LNP1: variants seen among roughly 807,000 people sequenced by gnomAD.
The protein encoded by LNP1 is leukemia NUP98 fusion partner 1.
LNP1 carries 12 observed loss-of-function variants against 14.5 expected under a neutral mutation model. The ratio of observed to expected loss-of-function variants is 0.83; its 90% CI spans 0.53 to 1.34. The LOEUF (loss-of-function observed/expected upper bound fraction) is 1.34, where lower values mean the gene tolerates loss of function less well. LNP1 is among the 40% of genes most tolerant of loss of function. LNP1 has a pLI of 0.00. For missense variants in LNP1, 198 were observed against 210.9 expected (o/e 0.94, Z 0.38); for synonymous variants, 75 against 71.4 (o/e 1.05, Z -0.26).
At chr3:100,433,850 C>G (rs945299846) in intron 2 of LNP1, among the ~76,000 whole-genome samples, 21 of 152,054 alleles carry the variant, frequency 1.4e-4, no homozygotes, top group African/African-American at 4.6e-4. Flanking sequence ...TTTTTTTGGC[C>G]GCATAAATGT....
chr3:100,451,088 C>T (rs1707434006), intron 2 of LNP1, among the ~76,000 whole-genome samples: 1 of 152,152 alleles, frequency 6.6e-6, no homozygotes, highest in East Asian at 1.9e-4. Context: ...GGGGCATCTC[C>T]ATTCAGAATC....
At position 100,451,782 on chromosome 3, in the gene LNP1, C is replaced by G. The variant is rs1156601000; in HGVS notation, c.220C>G (p.Gln74Glu). 2 of 1,613,908 alleles carry G rather than the reference C, an allele frequency of 1.2e-6. No individual in the cohort carries two copies. The highest frequency in any genetic ancestry group is 2.7e-5 in the African/African-American group (2 of 74,916). The change falls in exon 3 of 4, where the codon CAA (glutamine) becomes GAA (glutamate). Residue 74 changes from glutamine to glutamate, a missense_variant. Gln to Glu is a conservative substitution (Grantham distance 29, BLOSUM62 2). Coordinates refer to ENST00000383693, the MANE Select transcript of LNP1 (RefSeq NM_001085451.2). ...CHPRRHSHEDQEFRCRSHVRD... is the reference protein window; with the variant it reads ...CHPRRHSHEDEEFRCRSHVRD... ...TCCTAGAAGGCATTCTCATGAGGAC[C>G]AAGAATTTCGATGCCGTAGCCACGT...
intron 2 of LNP1, among the ~76,000 whole-genome samples, chr3:100,434,080 T>G (rs967063006): frequency 6.6e-6 from 1 of 152,214 alleles, no homozygotes; most frequent in Non-Finnish European, 1.5e-5. Context: ...TTAGATCCTA[T>G]TTGTCAATTT....
chr3:100,423,977 C>T (rs566756032), intron 1 of LNP1, among the ~76,000 whole-genome samples: 1 of 152,318 alleles, frequency 6.6e-6, no homozygotes, highest in East Asian at 1.9e-4. Context: ...GAGCATCTCT[C>T]CCAGTGCTGA....
intron 1 of LNP1, among the ~76,000 whole-genome samples, chr3:100,407,703 T>C (rs1706983366): frequency 6.6e-6 from 1 of 152,214 alleles, no homozygotes; most frequent in Non-Finnish European, 1.5e-5. Flanking sequence ...CTTTCTCTAC[T>C]CCCTCTTGAA....
chr3:100,442,169 GT>G (rs1158343297), intron 2 of LNP1, among the ~76,000 whole-genome samples: 2 of 152,086 alleles, frequency 1.3e-5, no homozygotes, highest in Non-Finnish European at 2.9e-5. Flanking sequence ...GGCGTCTTTT[GT>G]TTTAGTGTTC....
intron 1 of LNP1, among the ~76,000 whole-genome samples, chr3:100,421,203 C>CTT (rs1707141243): frequency 6.6e-6 from 1 of 152,140 alleles, no homozygotes; most frequent in Non-Finnish European, 1.5e-5. Context: ...TGTTGAAAAG[C>CTT]CTATCCTTCC....
At chr3:100,423,064 C>T (rs985522956) in intron 1 of LNP1, among the ~76,000 whole-genome samples, 1 of 151,982 alleles carries the variant, frequency 6.6e-6, no homozygotes, top group African/African-American at 2.4e-5. Context: ...AAGAGTCTGA[C>T]AATCAGGTCA....
At chr3:100,437,670 T>G (rs1707304675) in intron 2 of LNP1, among the ~76,000 whole-genome samples, 1 of 152,204 alleles carries the variant, frequency 6.6e-6, no homozygotes, top group Non-Finnish European at 1.5e-5. Context: ...GATGATAGCA[T>G]TAGACTATGT....
intron 1 of LNP1, among the ~76,000 whole-genome samples, chr3:100,426,280 A>G (rs1707192216): frequency 6.6e-6 from 1 of 152,220 alleles, no homozygotes; most frequent in African/African-American, 2.4e-5. Flanking sequence ...CCGAGGCTGA[A>G]TTATGTTCCT....
At chr3:100,436,464 A>G (rs1380075999) in intron 2 of LNP1, among the ~76,000 whole-genome samples, 4 of 151,972 alleles carry the variant, frequency 2.6e-5, no homozygotes, top group Admixed American at 2.6e-4. Context: ...ACCTAATAAG[A>G]TGCTTTCCCT....
At chr3:100,432,329 T>G (rs528155970) in intron 2 of LNP1, among the ~76,000 whole-genome samples, 16 of 152,098 alleles carry the variant, frequency 1.1e-4, no homozygotes, top group African/African-American at 3.4e-4. Flanking sequence ...TAATACATCT[T>G]CATCAGTCTC....
intron 2 of LNP1, among the ~76,000 whole-genome samples, chr3:100,447,473 T>G (rs1707399198): frequency 6.6e-6 from 1 of 152,014 alleles, no homozygotes; most frequent in African/African-American, 2.4e-5. Context: ...GGGGGAGGGA[T>G]AGCATTAGGA....
chr3:100,450,370 C>T (rs1707426764), intron 2 of LNP1, among the ~76,000 whole-genome samples: 1 of 146,954 alleles, frequency 6.8e-6, no homozygotes, highest in African/African-American at 2.5e-5. Context: ...TTTCACTCTT[C>T]CTGCCCAGGC....
intron 2 of LNP1, among the ~76,000 whole-genome samples, chr3:100,445,143 G>A (rs1707376087): frequency 6.6e-6 from 1 of 152,132 alleles, no homozygotes. Context: ...ATGGTGGTGG[G>A]CACCAGTCAT....
chr3:100,434,092 G>A (rs1707268634), intron 2 of LNP1, among the ~76,000 whole-genome samples: 1 of 152,070 alleles, frequency 6.6e-6, no homozygotes. Context: ...TGTCAATTTT[G>A]GCTTCTGTTG....
At chr3:100,415,782 T>C (rs1251916260) in intron 1 of LNP1, among the ~76,000 whole-genome samples, 1 of 152,212 alleles carries the variant, frequency 6.6e-6, no homozygotes, top group Non-Finnish European at 1.5e-5. Flanking sequence ...TGATGTTATC[T>C]TTCACCATTC....
At chr3:100,412,045 G>T (rs888182922) in intron 1 of LNP1, among the ~76,000 whole-genome samples, 1 of 152,182 alleles carries the variant, frequency 6.6e-6, no homozygotes, top group African/African-American at 2.4e-5. Context: ...AATACCCGAG[G>T]CTGGGTAATT....
At chr3:100,425,312 T>C (rs1489893251) in intron 1 of LNP1, among the ~76,000 whole-genome samples, 1 of 152,248 alleles carries the variant, frequency 6.6e-6, no homozygotes, top group Admixed American at 6.5e-5. Flanking sequence ...TTAGAAGGAC[T>C]GCCTGAAGGC....
Sources: allele counts gnomAD v4.1 joint callset (sites outside exome capture counted in the v4.1 genomes callset), GRCh38; gene constraint gnomAD v4.1.1; transcripts MANE v1.5; gene names NCBI Gene and HGNC (gene_info 2026-07-23, HGNC 2026-07-21).